The following CTNNA3 variants were observed in gnomAD, a reference collection of about 807,000 sequenced individuals.
The protein encoded by CTNNA3 is catenin alpha 3, also known as catenin alpha-3.
CTNNA3 carries 76 observed loss-of-function variants against 95.7 expected under a neutral mutation model. That is an observed-to-expected ratio of 0.79 (90% CI 0.66 to 0.96). The LOEUF is 0.96. Among genes scored for constraint, CTNNA3 ranks in the 40% least tolerant of loss-of-function variants. The pLI is 0.00. For synonymous variants in CTNNA3, 431 were observed against 374.4 expected (o/e 1.15, Z -1.74); for missense variants, 1,191 against 1,089.8 (o/e 1.09, Z -1.31).
chr10:67,650,001 G>A lies in CTNNA3; in HGVS notation c.-5-2483C>T, dbSNP rs753535783. On this transcript the variant is annotated intron_variant, in intron 1 of 17. Transcript: ENST00000433211. ...ATTACAGGCATGCACCTCCACGCCT[G>A]GCTAATTTTGTATGTTTAGTAGAGA... Among the ~76,000 whole-genome samples the A allele has an allele frequency of 1.5e-4, 23 of 152,160 alleles. No homozygotes were observed. The South Asian group carries it at 3.9e-3, about 26-fold the overall frequency.
At chr10:67,271,871 A>T (rs958934087) in intron 5 of CTNNA3, among the ~76,000 whole-genome samples, 5 of 152,160 alleles carry the variant, frequency 3.3e-5, no homozygotes, top group African/African-American at 1.2e-4. Flanking sequence ...ACTTATCTGT[A>T]TTTCTCTCAA....
At chr10:66,729,747 T>C (rs1256030244) in intron 9 of CTNNA3, among the ~76,000 whole-genome samples, 1 of 152,114 alleles carries the variant, frequency 6.6e-6, no homozygotes, top group East Asian at 1.9e-4. Flanking sequence ...CAAAAGAACT[T>C]ACTCATGTAA....
At chr10:67,223,913 T>C (rs942135875) in intron 5 of CTNNA3, among the ~76,000 whole-genome samples, 1 of 152,194 alleles carries the variant, frequency 6.6e-6, no homozygotes, top group African/African-American at 2.4e-5. Context: ...TTAAATAAAA[T>C]TTCTCAGAGA....
Position 67,640,705 on chromosome 10 carries a change from A to T in CTNNA3, c.99+6710T>A, listed in dbSNP as rs553530920. Among the ~76,000 whole-genome samples, 4,977 of 151,886 alleles carry T rather than the reference A, an allele frequency of 0.033. 569 individuals carry two copies. In the East Asian group the frequency reaches 0.42, roughly 13 times the overall value. ...GAGCCCTCAGAAATAATGCCACACA[A>T]GTACAACCATCTGATCTTTGACAAA... On this transcript the variant is annotated intron_variant, in intron 2 of 17. Transcript: ENST00000433211.
chr10:67,613,269 C>T (rs895884028), intron 2 of CTNNA3, among the ~76,000 whole-genome samples: 2 of 152,108 alleles, frequency 1.3e-5, no homozygotes, highest in Admixed American at 1.3e-4. Context: ...ATTGCCTCCT[C>T]TGCTCTACCA....
At chr10:67,432,455 A>G (rs1041555111) in intron 5 of CTNNA3, among the ~76,000 whole-genome samples, 6 of 152,000 alleles carry the variant, frequency 3.9e-5, no homozygotes, top group Non-Finnish European at 4.4e-5. Context: ...ACAAGGCTGC[A>G]CACCCTATAG....
At chr10:66,707,077 G>A (rs1848142133) in intron 9 of CTNNA3, among the ~76,000 whole-genome samples, 1 of 151,974 alleles carries the variant, frequency 6.6e-6, no homozygotes, top group Admixed American at 6.6e-5. Flanking sequence ...GAATACTAAT[G>A]TGTCCAATTT....
At chr10:65,952,609 C>T (rs557078207) in intron 17 of CTNNA3, among the ~76,000 whole-genome samples, 50 of 152,082 alleles carry the variant, frequency 3.3e-4, no homozygotes, top group Non-Finnish European at 6.8e-4. Context: ...GTTCAGAAAG[C>T]TCATTAACTA....
At chr10:66,325,929 C>A (rs763653067) in intron 12 of CTNNA3, among the ~76,000 whole-genome samples, 1 of 152,012 alleles carries the variant, frequency 6.6e-6, no homozygotes, top group African/African-American at 2.4e-5. Context: ...GATTTAACAG[C>A]CAAAATCACA....
At chr10:66,131,131 C>G (rs539304467) in intron 13 of CTNNA3, among the ~76,000 whole-genome samples, 1 of 151,106 alleles carries the variant, frequency 6.6e-6, no homozygotes, top group African/African-American at 2.4e-5. Flanking sequence ...CTGAATTCTA[C>G]CAGACACACA....
Position 66,326,490 on chromosome 10 carries a change from T to C in CTNNA3, c.1733-45869A>G, listed in dbSNP as rs555209220. 3.3e-5 allele frequency among the ~76,000 whole-genome samples: 5 copies of C among 152,200 alleles called. No individual in the cohort carries two copies. The South Asian group carries it at 1.0e-3, about 32-fold the overall frequency. The stretch of plus-strand genomic sequence containing the variant: ...TAAATGTGTTCAGAGTTAGGTTCAG[T>C]ATAGGTATATAAGGCATGAGTCATA... On this transcript the variant is annotated intron_variant, in intron 12 of 17. Coordinates refer to ENST00000433211, the MANE Select transcript of CTNNA3 (RefSeq NM_013266.4).
At chr10:66,778,241 G>T (rs1159939058) in intron 7 of CTNNA3, among the ~76,000 whole-genome samples, 1 of 151,804 alleles carries the variant, frequency 6.6e-6, no homozygotes, top group African/African-American at 2.4e-5. Context: ...AGATTTATTT[G>T]GCTTCAGTCA....
intron 2 of CTNNA3, among the ~76,000 whole-genome samples, chr10:67,620,615 GT>G (rs1170896535): frequency 6.6e-6 from 1 of 152,130 alleles, no homozygotes; most frequent in African/African-American, 2.4e-5. Flanking sequence ...AAAGTGTGCT[GT>G]GGGAAAACTT....
chr10:65,958,696 T>C (rs930219936), intron 17 of CTNNA3, among the ~76,000 whole-genome samples: 9 of 152,194 alleles, frequency 5.9e-5, no homozygotes, highest in African/African-American at 1.9e-4. Flanking sequence ...CAGAGGAGGC[T>C]GCAGAACAGC....
intron 11 of CTNNA3, among the ~76,000 whole-genome samples, chr10:66,408,370 C>A (rs990964211): frequency 6.6e-6 from 1 of 151,210 alleles, no homozygotes; most frequent in Admixed American, 6.6e-5. Context: ...GTTCATTAAA[C>A]CATTTATTTA....
At chr10:67,444,465 C>T (rs2132943057) in intron 5 of CTNNA3, among the ~76,000 whole-genome samples, 1 of 151,884 alleles carries the variant, frequency 6.6e-6, no homozygotes, top group African/African-American at 2.4e-5. Context: ...AAATAAATAA[C>T]CTAATGATGA....
At chr10:67,146,345 T>C (rs1860841028) in intron 7 of CTNNA3, among the ~76,000 whole-genome samples, 1 of 152,228 alleles carries the variant, frequency 6.6e-6, no homozygotes, top group South Asian at 2.1e-4. Flanking sequence ...ACTGAGAATA[T>C]TTTAAGTGTC....
intron 12 of CTNNA3, among the ~76,000 whole-genome samples, chr10:66,354,290 T>TAA (rs768525764): frequency 0.039 from 4,459 of 114,454 alleles, 206 homozygotes; most frequent in African/African-American, 0.12. Flanking sequence ...ATCTCAAAAA[T>TAA]AAAAAAAAAA....
In CTNNA3 at chr10:66,766,390, C is replaced by T; in HGVS notation, c.1155G>A (p.Val385=). ...CTGTCGTATCCAGGAAAGAGTCTGA[C>T]ACATGATCTATAATAGCCTTGCGGA... ...RQLRKAIIDH[V]SDSFLDTTVP... Residue 385 remains valine (V), a synonymous_variant, in exon 9 of 18, where the codon GTG becomes GTA. Coordinates refer to ENST00000433211, the MANE Select transcript of CTNNA3 (RefSeq NM_013266.4). The T allele has an allele frequency of 1.2e-6, 2 of 1,613,646 alleles. No homozygotes were observed. Among genetic ancestry groups the T allele is most frequent in the Non-Finnish European group, 1.7e-6 (2 of 1,179,784 alleles).
Sources: allele counts gnomAD v4.1 joint callset (sites outside exome capture counted in the v4.1 genomes callset), GRCh38; gene constraint gnomAD v4.1.1; transcripts MANE v1.5; gene names NCBI Gene and HGNC (gene_info 2026-07-23, HGNC 2026-07-21).